The following LNP1 variants were observed in gnomAD, a reference collection of about 807,000 sequenced individuals.
LNP1 encodes leukemia NUP98 fusion partner 1.
Under a neutral mutation model 14.5 loss-of-function variants are expected in LNP1, and 12 were observed. That is an observed-to-expected ratio of 0.83 (90% CI 0.53 to 1.34). LNP1 has a LOEUF of 1.34. LNP1 is among the 40% of genes most tolerant of loss of function. LNP1 has a pLI of 0.00. For missense variants in LNP1, 198 were observed against 210.9 expected, an observed-to-expected ratio of 0.94 and a Z score of 0.38; for synonymous variants, 75 against 71.4, an observed-to-expected ratio of 1.05 and a Z score of -0.26.
At chr3:100,409,111 T>C (rs1168420134) in intron 1 of LNP1, among the ~76,000 whole-genome samples, 1 of 152,130 alleles carries the variant, frequency 6.6e-6, no homozygotes, top group Non-Finnish European at 1.5e-5. Context: ...TGGTTGGCCC[T>C]CATTCAATCA....
intron 1 of LNP1, among the ~76,000 whole-genome samples, chr3:100,406,601 C>T (rs1260784211): frequency 2.6e-5 from 4 of 152,220 alleles, no homozygotes; most frequent in African/African-American, 7.2e-5. Flanking sequence ...ATGGCATGAT[C>T]TCGGCTCACT....
chr3:100,426,523 A>G (rs1366237281), intron 1 of LNP1, among the ~76,000 whole-genome samples: 1 of 152,232 alleles, frequency 6.6e-6, no homozygotes, highest in Admixed American at 6.5e-5. Context: ...TTAGAGTCCA[A>G]TTGACCCACT....
At chr3:100,410,184 T>C (rs527426219) in intron 1 of LNP1, among the ~76,000 whole-genome samples, 21 of 152,128 alleles carry the variant, frequency 1.4e-4, no homozygotes, top group Non-Finnish European at 2.8e-4. Flanking sequence ...GCCAACATTG[T>C]TGTGAGGGAA....
At chr3:100,441,011 T>TAC (rs1451005689) in intron 2 of LNP1, among the ~76,000 whole-genome samples, 6 of 152,180 alleles carry the variant, frequency 3.9e-5, no homozygotes, top group Non-Finnish European at 8.8e-5. Flanking sequence ...GTGCCTGCGC[T>TAC]ACACAGGAGC....
chr3:100,446,923 A>T (rs1488621252), intron 2 of LNP1, among the ~76,000 whole-genome samples: 1 of 152,238 alleles, frequency 6.6e-6, no homozygotes, highest in Non-Finnish European at 1.5e-5. Context: ...ACCAGTTAGA[A>T]CGGCAATCAT....
chr3:100,427,682 G>C (rs1200223831), intron 1 of LNP1, among the ~76,000 whole-genome samples: 1 of 152,180 alleles, frequency 6.6e-6, no homozygotes, highest in East Asian at 1.9e-4. Flanking sequence ...TCATGGATAA[G>C]ATTTATTATG....
intron 2 of LNP1, among the ~76,000 whole-genome samples, chr3:100,432,901 A>G (rs566571619): frequency 6.6e-6 from 1 of 152,246 alleles, no homozygotes; most frequent in Non-Finnish European, 1.5e-5. Context: ...GGGAGAAGAA[A>G]CCGAGTTTAT....
intron 1 of LNP1, among the ~76,000 whole-genome samples, chr3:100,416,316 T>C (rs921143554): frequency 2.6e-5 from 4 of 152,240 alleles, no homozygotes; most frequent in Non-Finnish European, 4.4e-5. Flanking sequence ...TCATTCATAG[T>C]TTCCTTGTTC....
At chr3:100,444,754 C>A (rs1342708825) in intron 2 of LNP1, among the ~76,000 whole-genome samples, 3 of 151,864 alleles carry the variant, frequency 2.0e-5, no homozygotes, top group African/African-American at 7.3e-5. Flanking sequence ...AACAGTAAGC[C>A]CTAATAAAAA....
intron 2 of LNP1, among the ~76,000 whole-genome samples, chr3:100,435,247 A>T (rs1337478697): frequency 6.6e-6 from 1 of 152,186 alleles, no homozygotes; most frequent in Admixed American, 6.5e-5. Context: ...CTAGGTGCTA[A>T]GGTGGAGGAA....
intron 2 of LNP1, among the ~76,000 whole-genome samples, chr3:100,446,249 G>C (rs1707385635): frequency 6.6e-6 from 1 of 152,156 alleles, no homozygotes; most frequent in Non-Finnish European, 1.5e-5. Context: ...TACCAAAACA[G>C]ATATATAGAC....
chr3:100,403,855 T>C (rs1449221222), intron 1 of LNP1, among the ~76,000 whole-genome samples: 1 of 152,242 alleles, frequency 6.6e-6, no homozygotes, highest in Non-Finnish European at 1.5e-5. Flanking sequence ...AGGCTCCTTA[T>C]TGTTTTAAAA....
At chr3:100,424,433 C>T (rs1237932894) in intron 1 of LNP1, among the ~76,000 whole-genome samples, 1 of 152,204 alleles carries the variant, frequency 6.6e-6, no homozygotes, top group East Asian at 1.9e-4. Flanking sequence ...AGAGTCCTCT[C>T]CCAGTGGAGT....
At chr3:100,442,364 A>G (rs1340252870) in intron 2 of LNP1, among the ~76,000 whole-genome samples, 1 of 152,170 alleles carries the variant, frequency 6.6e-6, no homozygotes, top group Non-Finnish European at 1.5e-5. Context: ...GAGGATGCGC[A>G]CCTGTGACAC....
chr3:100,450,083 A>G (rs1576237609), intron 2 of LNP1, among the ~76,000 whole-genome samples: 1 of 133,620 alleles, frequency 7.5e-6, no homozygotes, highest in Non-Finnish European at 1.6e-5. Context: ...TCTCCACACC[A>G]TACCACTTTT....
intron 2 of LNP1, among the ~76,000 whole-genome samples, chr3:100,443,300 A>G (rs1707361408): frequency 6.6e-6 from 1 of 152,218 alleles, no homozygotes; most frequent in South Asian, 2.1e-4. Flanking sequence ...CTAGAATCTA[A>G]CAACAGGTGT....
intron 1 of LNP1, among the ~76,000 whole-genome samples, chr3:100,415,322 G>A (rs1490478038): frequency 1.3e-5 from 2 of 152,138 alleles, no homozygotes; most frequent in Non-Finnish European, 2.9e-5. Context: ...AGAAAAATGA[G>A]CAAAGGATAT....
intron 1 of LNP1, among the ~76,000 whole-genome samples, chr3:100,429,439 C>T (rs1559843287): frequency 6.6e-6 from 1 of 152,170 alleles, no homozygotes; most frequent in Non-Finnish European, 1.5e-5. Flanking sequence ...CTGTGAGGCA[C>T]AAGCCCCAGC....
chr3:100,421,803 GT>G (rs1275538634), intron 1 of LNP1, among the ~76,000 whole-genome samples: 12 of 152,220 alleles, frequency 7.9e-5, no homozygotes, highest in African/African-American at 2.9e-4. Flanking sequence ...CTAATAACAT[GT>G]GATATTTGAT....
Sources: allele counts gnomAD v4.1 joint callset (sites outside exome capture counted in the v4.1 genomes callset), GRCh38; gene constraint gnomAD v4.1.1; transcripts MANE v1.5; gene names NCBI Gene and HGNC (gene_info 2026-07-23, HGNC 2026-07-21).